The following LRRC32 variants were observed in gnomAD, a reference collection of about 807,000 sequenced individuals.
LRRC32 encodes leucine rich repeat containing 32.
Under a neutral mutation model 15.0 loss-of-function variants are expected in LRRC32, and 5 were observed. The ratio of observed to expected loss-of-function variants is 0.33; its 90% CI spans 0.17 to 0.70. The LOEUF is 0.70. Among genes scored for constraint, LRRC32 ranks in the 30% least tolerant of loss-of-function variants. LRRC32 has a pLI of 0.66. For missense variants in LRRC32, 803 were observed against 854.2 expected (o/e 0.94, Z 0.75); for synonymous variants, 391 against 403.9 (o/e 0.97, Z 0.38).
chr11:76,658,376 G>C lies in LRRC32; in HGVS notation c.*1228C>G, dbSNP rs1032398490. 2.0e-5 allele frequency: 3 copies of C among 152,994 alleles called. No homozygotes were observed. Among genetic ancestry groups the C allele is most frequent in the Non-Finnish European group, 2.9e-5 (2 of 68,568 alleles). 9.5% of individuals were successfully genotyped at this position (152,994 alleles called of 1,614,324 possible). A position where few individuals can be genotyped will look rare whatever the true frequency, so the allele number is the denominator to read the frequency against. On this transcript the variant is annotated 3_prime_UTR_variant, in exon 3 of 3. Coordinates refer to ENST00000260061, the MANE Select transcript of LRRC32 (RefSeq NM_001128922.2). ...ACCCACACCAGGGTGGAAAGGAAGG[G>C]AGGAGGGAAACAGGCAGAGAAGGAG...
At chr11:76,667,589 C>T (rs969136394) in intron 1 of LRRC32, among the ~76,000 whole-genome samples, 3 of 152,258 alleles carry the variant, frequency 2.0e-5, no homozygotes, top group East Asian at 1.9e-4. Context: ...GCTGCCCCTG[C>T]AGCTGCTCTG....
rs1952698338 is a variant in LRRC32 at position 76,670,739 on chromosome 11, T to G, written c.-130A>C. 1 of 152,110 alleles carries G rather than the reference T, an allele frequency of 6.6e-6. No individual in the cohort carries two copies. Among genetic ancestry groups the G allele is most frequent in the African/African-American group, 2.4e-5 (1 of 41,426 alleles). The allele number at this position is 152,110 out of a possible 1,614,324, so 9.4% of individuals were successfully genotyped here. A position where few individuals can be genotyped will look rare whatever the true frequency, so the allele number is the denominator to read the frequency against. ...CCCGAGGAGGAGCAGGCCGCTCAGC[T>G]GCCCCACCGGAGCCCCCGCGCTCCG... On this transcript the variant is annotated 5_prime_UTR_variant, in exon 1 of 3. Coordinates refer to ENST00000260061, the MANE Select transcript of LRRC32 (RefSeq NM_001128922.2).
intron 2 of LRRC32, among the ~76,000 whole-genome samples, chr11:76,664,105 G>A (rs909023731): frequency 1.3e-5 from 2 of 152,222 alleles, no homozygotes; most frequent in Non-Finnish European, 1.5e-5. Context: ...CCGGGCAAGT[G>A]CAGAGGCATA....
In LRRC32 at chr11:76,660,002, C is replaced by T. The variant is rs200260908; in HGVS notation, c.1591G>A (p.Ala531Thr). Residue 531 changes from alanine to threonine, a missense_variant, in exon 3 of 3, where the codon GCC becomes ACC. Transcript: ENST00000260061. The part of the protein sequence containing the change: ...LAENRLSHLP[A>T]WTQAVSLEVL... ...TCCAGTGACACAGCCTGTGTCCAGG[C>T]GGGAAGGTGGCTCAGGCGGTTCTCG... The T allele has an allele frequency of 1.2e-5, 20 of 1,614,078 alleles. No individual in the cohort carries two copies. Among genetic ancestry groups the T allele is most frequent in the Middle Eastern group, 1.7e-4 (1 of 5,994 alleles).
chr11:76,660,462 T>C lies in LRRC32; in HGVS notation c.1131A>G (p.Thr377=). 2 of 1,613,906 alleles carry C rather than the reference T, an allele frequency of 1.2e-6. No individual in the cohort carries two copies. The highest frequency in any genetic ancestry group is 1.7e-6 in the Non-Finnish European group (2 of 1,179,944). ...LLDLSHNALE[T]LELGARALGS... ...CCAGGGCTCTGGCGCCCAGTTCCAG[T>C]GTCTCCAGGGCATTGTGGCTTAAGT... The change falls in exon 3 of 3, where the codon ACA becomes ACG. Residue 377 remains threonine (T), a synonymous_variant. Coordinates refer to ENST00000260061, the MANE Select transcript of LRRC32 (RefSeq NM_001128922.2).
Position 76,661,014 on chromosome 11 carries a change from G to C in LRRC32, c.579C>G (p.Phe193Leu), listed in dbSNP as rs144938321. The C allele has an allele frequency of 6.2e-7, 1 of 1,614,046 alleles. No individual in the cohort carries two copies. The highest frequency in any genetic ancestry group is 1.3e-5 in the African/African-American group (1 of 74,948). The change falls in exon 3 of 3, where the codon TTC becomes TTG. Residue 193 changes from phenylalanine to leucine, a missense_variant. Phe to Leu is a conservative substitution (Grantham distance 22). Coordinates refer to ENST00000260061, the MANE Select transcript of LRRC32 (RefSeq NM_001128922.2). The stretch of plus-strand genomic sequence containing the variant: ...GATGGGTCAGGCGGGGCAGACCCTC[G>C]AAGGCGCCATCCTCGATGTCCATCA... Reference protein sequence around the residue: ...NVLMDIEDGAFEGLPRLTHLN... With the variant: ...NVLMDIEDGALEGLPRLTHLN...
chr11:76,659,790 G>A lies in LRRC32; in HGVS notation c.1803C>T (p.Arg601=). 1 of 1,614,256 alleles carries A rather than the reference G, an allele frequency of 6.2e-7. No individual in the cohort carries two copies. Among genetic ancestry groups the A allele is most frequent in the African/African-American group, 1.3e-5 (1 of 75,070 alleles). Residue 601 remains arginine, a synonymous_variant, in exon 3 of 3, where the codon CGC becomes CGT. Coordinates refer to ENST00000260061, the MANE Select transcript of LRRC32 (RefSeq NM_001128922.2). ...GGGACACCTCCTCCTGGGAGCTGAA[G>A]CGGCAGATCAGGTCCTGGGTGGCGT... ...DVDATQDLIC[R]FSSQEEVSLS...
intron 1 of LRRC32, among the ~76,000 whole-genome samples, chr11:76,667,989 C>T (rs1387152943): frequency 6.6e-6 from 1 of 152,262 alleles, no homozygotes; most frequent in African/African-American, 2.4e-5. Flanking sequence ...CCTCCCAGAG[C>T]CCCTGAGCTT....
Position 76,660,099 on chromosome 11 carries a change from C to A in LRRC32, c.1494G>T (p.Leu498=). Residue 498 remains leucine, a synonymous_variant, in exon 3 of 3, where the codon CTG becomes CTT. Coordinates refer to ENST00000260061, the MANE Select transcript of LRRC32 (RefSeq NM_001128922.2). ...GCAGGACCATCAGCCCGTTGCCCTGCAGTGCCAGGACCTCCAAGGAGGCCT... is the reference window on the plus strand; with the variant it reads ...GCAGGACCATCAGCCCGTTGCCCTGAAGTGCCAGGACCTCCAAGGAGGCCT... ...GLEASLEVLA[L]QGNGLMVLQV... is the part of the protein sequence containing the mutation. 2 of 1,614,000 alleles carry A rather than the reference C, an allele frequency of 1.2e-6. No individual in the cohort carries two copies. The highest frequency in any genetic ancestry group is 1.7e-6 in the Non-Finnish European group (2 of 1,179,974).
Position 76,659,894 on chromosome 11 carries a change from A to G in LRRC32, c.1699T>C (p.Tyr567His), listed in dbSNP as rs1952481548. 1 of 1,613,614 alleles carries G rather than the reference A, an allele frequency of 6.2e-7. No homozygotes were observed. The highest frequency in any genetic ancestry group is 8.5e-7 in the Non-Finnish European group (1 of 1,179,904). Residue 567 changes from tyrosine to histidine, a missense_variant, in exon 3 of 3, where the codon TAC (tyrosine) becomes CAC (histidine). Coordinates refer to ENST00000260061, the MANE Select transcript of LRRC32 (RefSeq NM_001128922.2). ...CAGCTGAGTGGATTCCCCTGCAGGT[A>G]GAGGCGCCGGAGGCTGGTCTCCAGG... The part of the protein sequence containing the change: ...GGLETSLRRL[Y>H]LQGNPLSCCG...
At chr11:76,665,209 T>C (rs1164779868) in intron 2 of LRRC32, among the ~76,000 whole-genome samples, 1 of 152,224 alleles carries the variant, frequency 6.6e-6, no homozygotes, top group East Asian at 1.9e-4. Context: ...GGGAAGTTCA[T>C]GGTCTGGCAG....
chr11:76,665,775 C>A, intron 2 of LRRC32, 96 bp downstream of exon 2: 1 of 1,567,962 alleles, frequency 6.4e-7, no homozygotes, highest in Non-Finnish European at 8.7e-7. Context: ...CCTCTCCTGA[C>A]TCTTCTAACT....
intron 2 of LRRC32, 148 bp from the exon 3 acceptor site, chr11:76,661,656 G>A: frequency 1.5e-6 from 2 of 1,357,998 alleles, no homozygotes; most frequent in East Asian, 5.0e-5. Context: ...ACCGCAGCCT[G>A]ATCACCCCAT....
At chr11:76,669,552 CCCATTTTACGGATG>C (rs1952679991) in intron 1 of LRRC32, among the ~76,000 whole-genome samples, 1 of 152,064 alleles carries the variant, frequency 6.6e-6, no homozygotes, top group Non-Finnish European at 1.5e-5. Flanking sequence ...TACTGTAATT[CCCATTTTACGGATG>C]AGAAAACAGT....
chr11:76,660,209 C>T lies in LRRC32; in HGVS notation c.1384G>A (p.Ala462Thr), dbSNP rs555696437. 12 of 1,579,136 alleles carry T rather than the reference C, an allele frequency of 7.6e-6. No homozygotes were observed. In the African/African-American group the frequency reaches 1.2e-4, roughly 16 times the overall value. Residue 462 changes from alanine (A) to threonine (T), a missense_variant, in exon 3 of 3, where the codon GCC (alanine) becomes ACC (threonine). By Grantham distance (58) the Ala-to-Thr change is moderately conservative. Coordinates refer to ENST00000260061, the MANE Select transcript of LRRC32 (RefSeq NM_001128922.2). ...TCAGTCAGTGGGGTGTGGAGGAAGG[C>T]CCCTGCCCTGAGCAGCTCTATCTCA... is the stretch of plus-strand genomic sequence containing the variant. ...DNEIELLRAG[A>T]FLHTPLTELD...
chr11:76,660,333 G>T lies in LRRC32; in HGVS notation c.1260C>A (p.Asn420Lys), dbSNP rs1952494738. ...CTGGCCCCCCACAGGGGCTGACTCG[G>T]TTCCCCTGCAGGTTGAGCCGCTGCA... ...ASLQRLNLQG[N>K]RVSPCGGPDE... The change falls in exon 3 of 3, where the codon AAC becomes AAA. Residue 420 changes from asparagine to lysine, a missense_variant. By Grantham distance (94) the Asn-to-Lys change is moderately conservative (BLOSUM62 0). Coordinates refer to ENST00000260061, the MANE Select transcript of LRRC32 (RefSeq NM_001128922.2). 1.9e-6 allele frequency: 3 copies of T among 1,608,730 alleles called. No homozygotes were observed. Among genetic ancestry groups the T allele is most frequent in the Non-Finnish European group, 2.5e-6 (3 of 1,177,752 alleles).
rs766920653 is a variant in LRRC32 at position 76,660,095 on chromosome 11, C to T, written c.1498G>A (p.Gly500Ser). ...ACCTGCAGGACCATCAGCCCGTTGCCCTGCAGTGCCAGGACCTCCAAGGAG... is the reference window on the plus strand; with the variant it reads ...ACCTGCAGGACCATCAGCCCGTTGCTCTGCAGTGCCAGGACCTCCAAGGAG... ...EASLEVLALQ[G>S]NGLMVLQVDL... Residue 500 changes from glycine to serine, a missense_variant, in exon 3 of 3, where the codon GGC becomes AGC. By Grantham distance (56) the Gly-to-Ser change is moderately conservative. Coordinates refer to ENST00000260061, the MANE Select transcript of LRRC32 (RefSeq NM_001128922.2). 2 of 1,613,928 alleles carry T rather than the reference C, an allele frequency of 1.2e-6. No individual in the cohort carries two copies. Among genetic ancestry groups the T allele is most frequent in the Non-Finnish European group, 1.7e-6 (2 of 1,179,998 alleles).
chr11:76,659,495 T>C lies in LRRC32; in HGVS notation c.*109A>G. 2.5e-6 allele frequency: 3 copies of C among 1,222,822 alleles called. No individual in the cohort carries two copies. The highest frequency in any genetic ancestry group is 3.4e-6 in the Non-Finnish European group (3 of 884,458). 75.7% of individuals were successfully genotyped at this position (1,222,822 alleles called of 1,614,324 possible). A position where few individuals can be genotyped will look rare whatever the true frequency, so the allele number is the denominator to read the frequency against. On this transcript the variant is annotated 3_prime_UTR_variant, in exon 3 of 3. Transcript: ENST00000260061. ...AGAGAAAGGTGTCCTGGGCTGTAAT[T>C]TGGAGACCAGAGTTCTGGGATCCCG...
Position 76,660,269 on chromosome 11 carries a change from TGCCGGAGAAGGCCACACA to T in LRRC32, c.1306_1323del (p.Cys436_Gly441del), listed in dbSNP as rs1175528499. The T allele has an allele frequency of 1.9e-6, 3 of 1,577,554 alleles. No individual in the cohort carries two copies. Among genetic ancestry groups the T allele is most frequent in the Non-Finnish European group, 2.6e-6 (3 of 1,164,200 alleles). On this transcript the variant is annotated inframe_deletion, in exon 3 of 3. Coordinates refer to ENST00000260061, the MANE Select transcript of LRRC32 (RefSeq NM_001128922.2). ...AGGCTCAGGCTGCGGAGGGAGGTGA[TGCCGGAGAAGGCCACACA>T]GCCGGAGGGGCCAGGCTCATCTGGC...
Sources: gnomAD v4.1 joint callset for allele counts (sites outside exome capture counted in the v4.1 genomes callset) on GRCh38, gnomAD v4.1.1 for gene constraint, MANE v1.5 for transcripts, NCBI Gene and HGNC (gene_info 2026-07-23, HGNC 2026-07-21) for gene names.